Variants in ADGB observed in about 807,000 individuals in gnomAD.
ADGB encodes the protein calpain-7-like protein.
In ADGB, 172 loss-of-function variants were observed where a neutral mutation model predicts 210.5. The observed-to-expected ratio is 0.82, with a 90% confidence interval of 0.72 to 0.93. ADGB has a LOEUF of 0.93. Ranked by LOEUF, ADGB falls within the 40% of genes least tolerant of loss-of-function variation. The pLI, the probability that ADGB is intolerant of heterozygous loss-of-function variation, is 0.00. For synonymous variants in ADGB, 658 were observed against 662.7 expected (o/e 0.99, Z 0.11); for missense variants, 2,025 against 1,964.8 (o/e 1.03, Z -0.58).
intron 35 of ADGB, among the ~76,000 whole-genome samples, chr6:146,813,726 T>G (rs779179983): frequency 6.6e-6 from 1 of 152,188 alleles, no homozygotes. Flanking sequence ...TTAGATTAGA[T>G]TACAAAACAA....
Position 146,672,238 on chromosome 6 carries a change from A to T in ADGB, c.858A>T (p.Lys286Asn). The T allele has an allele frequency of 6.5e-7, 1 of 1,531,892 alleles. No homozygotes were observed. The highest frequency in any genetic ancestry group is 1.3e-5 in the South Asian group (1 of 79,258). The allele number at this position is 1,531,892 out of a possible 1,614,324, so 94.9% of individuals were successfully genotyped here. ...VISLHPGYMD[K>N]VWELLKEILP... is the part of the protein sequence containing the mutation. ...CTCTTAGCCCGGGATATATGGACAAAGTTTGGGAGCTCCTGAAAGAAATAT... is the reference window on the plus strand; with the variant it reads ...CTCTTAGCCCGGGATATATGGACAATGTTTGGGAGCTCCTGAAAGAAATAT... The change falls in exon 8 of 36, where the codon AAA (lysine) becomes AAT (asparagine). Residue 286 changes from lysine to asparagine, a missense_variant. Transcript: ENST00000397944.
chr6:146,772,610 T>C (rs944450468), intron 29 of ADGB, among the ~76,000 whole-genome samples: 1 of 147,262 alleles, frequency 6.8e-6, no homozygotes, highest in Non-Finnish European at 1.5e-5. Flanking sequence ...AATTATATAA[T>C]ATATATTATA....
intron 1 of ADGB, among the ~76,000 whole-genome samples, chr6:146,609,492 T>C (rs1780675831): frequency 6.6e-6 from 1 of 152,202 alleles, no homozygotes; most frequent in Non-Finnish European, 1.5e-5. Context: ...GTAGTTTCTT[T>C]ATAGTGTCAA....
chr6:146,639,842 G>A (rs140347795), intron 2 of ADGB: 7 of 151,930 alleles, frequency 4.6e-5, no homozygotes, highest in East Asian at 1.9e-4. Context: ...ATCTAACTTC[G>A]CAATTGAAAT....
intron 7 of ADGB, among the ~76,000 whole-genome samples, chr6:146,669,694 G>A (rs1407772194): frequency 2.0e-5 from 3 of 152,084 alleles, no homozygotes; most frequent in Non-Finnish European, 4.4e-5. Context: ...CAGCTACTAA[G>A]TGATGGTGTG....
chr6:146,716,526 GA>G (rs1776736975), intron 14 of ADGB, among the ~76,000 whole-genome samples: 1 of 125,566 alleles, frequency 8.0e-6, no homozygotes, highest in East Asian at 2.1e-4. Context: ...CCGGGAAGCG[GA>G]GCTTGCAGTG....
At chr6:146,757,174 A>C (rs895628466) in intron 27 of ADGB, among the ~76,000 whole-genome samples, 1 of 152,040 alleles carries the variant, frequency 6.6e-6, no homozygotes, top group African/African-American at 2.4e-5. Flanking sequence ...AGTGTTTTTT[A>C]CGATTTATAT....
At chr6:146,644,960 T>C (rs544971609) in intron 3 of ADGB, 95 bp downstream of exon 3, 2 of 664,152 alleles carry the variant, frequency 3.0e-6, no homozygotes, top group South Asian at 5.8e-5. Context: ...TTTAGGGTAA[T>C]TTTCTCTTGT....
At chr6:146,648,153 C>CT (rs1775648617) in intron 3 of ADGB, among the ~76,000 whole-genome samples, 1 of 151,830 alleles carries the variant, frequency 6.6e-6, no homozygotes, top group African/African-American at 2.4e-5. Flanking sequence ...TTTTTATAAC[C>CT]TTTTTTAACC....
chr6:146,634,335 G>A (rs1191450210), intron 1 of ADGB, among the ~76,000 whole-genome samples: 3 of 152,086 alleles, frequency 2.0e-5, no homozygotes, highest in Non-Finnish European at 4.4e-5. Context: ...TTGTTGATAA[G>A]CAGTGTGTTA....
chr6:146,658,494 A>T (rs1775814323), intron 5 of ADGB, among the ~76,000 whole-genome samples: 1 of 152,122 alleles, frequency 6.6e-6, no homozygotes, highest in South Asian at 2.1e-4. Context: ...TCTAAACTTG[A>T]GGTGGGAGGA....
chr6:146,678,753 A>T (rs1403618230), intron 9 of ADGB, among the ~76,000 whole-genome samples: 1 of 152,208 alleles, frequency 6.6e-6, no homozygotes, highest in Non-Finnish European at 1.5e-5. Flanking sequence ...ATGTCATCTA[A>T]TATTATCCAA....
At chr6:146,616,268 G>GTT (rs35741728) in intron 1 of ADGB, among the ~76,000 whole-genome samples, 21 of 142,292 alleles carry the variant, frequency 1.5e-4, no homozygotes, top group South Asian at 6.6e-4. Context: ...TATTATTTGG[G>GTT]TTTTTTTTTT....
intron 33 of ADGB, 86 bp from the exon 34 acceptor site, chr6:146,801,097 C>G: frequency 1.7e-6 from 1 of 576,908 alleles, no homozygotes; most frequent in Non-Finnish European, 2.7e-6. Flanking sequence ...GAAAAACAAC[C>G]AATTAAAATG....
At chr6:146,697,220 G>A (rs1776416593) in intron 12 of ADGB, among the ~76,000 whole-genome samples, 3 of 152,174 alleles carry the variant, frequency 2.0e-5, no homozygotes, top group South Asian at 4.1e-4. Flanking sequence ...TATTGAATCA[G>A]AAGTGACCAT....
chr6:146,803,324 A>G (rs1194750505), intron 35 of ADGB: 1 of 1,608,836 alleles, frequency 6.2e-7, no homozygotes, highest in East Asian at 2.2e-5. Context: ...GTGAAGAACC[A>G]GAATCACTGG....
chr6:146,663,001 T>G (rs888214088), intron 5 of ADGB, among the ~76,000 whole-genome samples: 1 of 145,786 alleles, frequency 6.9e-6, no homozygotes, highest in South Asian at 2.1e-4. Context: ...TATCTTAATC[T>G]TAATAATATA....
intron 2 of ADGB, 143 bp downstream of exon 2, chr6:146,635,680 C>G (rs549746614): frequency 2.0e-5 from 15 of 765,526 alleles, no homozygotes; most frequent in East Asian, 1.2e-4. Flanking sequence ...TCAGCCCCAC[C>G]TCCCAACACT....
chr6:146,723,093 G>A (rs1361690937), intron 17 of ADGB, among the ~76,000 whole-genome samples: 4 of 152,098 alleles, frequency 2.6e-5, no homozygotes, highest in Admixed American at 1.3e-4. Context: ...TTTGAATGGT[G>A]TCTAACATAG....
Sources: gnomAD v4.1 joint callset for allele counts (sites outside exome capture counted in the v4.1 genomes callset) on GRCh38, gnomAD v4.1.1 for gene constraint, MANE v1.5 for transcripts, NCBI Gene and HGNC (gene_info 2026-07-23, HGNC 2026-07-21) for gene names.